The following RGS7 variants were observed in gnomAD, a reference collection of about 807,000 sequenced individuals.
RGS7 encodes the protein regulator of G-protein signaling 7.
Under a neutral mutation model 81.1 loss-of-function variants are expected in RGS7, and 27 were observed. The ratio of observed to expected loss-of-function variants is 0.33; its 90% CI spans 0.25 to 0.46. The LOEUF (loss-of-function observed/expected upper bound fraction) is 0.46, where lower values mean the gene tolerates loss of function less well. RGS7 is among the 20% of genes least tolerant of loss of function. The pLI is 1.00. For synonymous variants in RGS7, 208 were observed against 207.7 expected (o/e 1.00, Z -0.01); for missense variants, 396 against 607.4 (o/e 0.65, Z 3.66).
intron 2 of RGS7, among the ~76,000 whole-genome samples, chr1:241,263,134 G>A (rs770173243): frequency 1.9e-4 from 29 of 150,568 alleles, no homozygotes; most frequent in Admixed American, 4.0e-4. Context: ...AAAATTAGCC[G>A]GGCATGGTGG....
intron 10 of RGS7, among the ~76,000 whole-genome samples, chr1:240,820,391 C>T (rs1402843782): frequency 6.6e-6 from 1 of 152,080 alleles, no homozygotes; most frequent in Non-Finnish European, 1.5e-5. Context: ...GATTCGGCCT[C>T]CTACATAAAT....
At chr1:240,847,168 C>T (rs1659249232) in intron 9 of RGS7, among the ~76,000 whole-genome samples, 1 of 152,212 alleles carries the variant, frequency 6.6e-6, no homozygotes, top group Admixed American at 6.5e-5. Context: ...TCATAGCTAT[C>T]TGCTAACCTT....
At chr1:241,256,521 T>A (rs1029092512) in intron 2 of RGS7, among the ~76,000 whole-genome samples, 2 of 152,188 alleles carry the variant, frequency 1.3e-5, no homozygotes, top group Non-Finnish European at 2.9e-5. Flanking sequence ...TCAGGTCAGG[T>A]TGCCATAACA....
intron 2 of RGS7, among the ~76,000 whole-genome samples, chr1:241,228,144 C>T (rs1015763690): frequency 2.0e-5 from 3 of 152,138 alleles, no homozygotes; most frequent in Admixed American, 6.5e-5. Flanking sequence ...ACTAGCCTGA[C>T]GCTGCTATTT....
At chr1:241,257,863 C>T (rs531553758) in intron 2 of RGS7, among the ~76,000 whole-genome samples, 1 of 152,074 alleles carries the variant, frequency 6.6e-6, no homozygotes, top group South Asian at 2.1e-4. Flanking sequence ...TCTACAAGAC[C>T]AAACACGACA....
At chr1:240,900,826 G>C (rs537726420) in intron 6 of RGS7, among the ~76,000 whole-genome samples, 1 of 152,334 alleles carries the variant, frequency 6.6e-6, no homozygotes, top group East Asian at 1.9e-4. Flanking sequence ...AAAGCTGTCA[G>C]ACAGGGGCGT....
intron 2 of RGS7, among the ~76,000 whole-genome samples, chr1:241,160,139 AAAAG>A (rs1158255621): frequency 1.3e-5 from 2 of 151,780 alleles, no homozygotes; most frequent in East Asian, 1.9e-4. Context: ...AAGAAAAAGA[AAAAG>A]AAAAAGAAAT....
chr1:240,825,404 C>T (rs1441935740), intron 10 of RGS7, among the ~76,000 whole-genome samples: 1 of 152,204 alleles, frequency 6.6e-6, no homozygotes, highest in Non-Finnish European at 1.5e-5. Flanking sequence ...AAGATTCTAG[C>T]AAATTGAACA....
intron 2 of RGS7, among the ~76,000 whole-genome samples, chr1:241,270,866 C>T (rs374465383): frequency 6.6e-6 from 1 of 151,530 alleles, no homozygotes; most frequent in African/African-American, 2.4e-5. Flanking sequence ...TCACACCATT[C>T]TCCTGCCTCA....
At chr1:241,214,508 G>A (rs2074435854) in intron 2 of RGS7, among the ~76,000 whole-genome samples, 1 of 150,930 alleles carries the variant, frequency 6.6e-6, no homozygotes, top group Admixed American at 6.6e-5. Flanking sequence ...TTTCTTTATT[G>A]ACTGAGATTC....
rs977940725 is a variant in RGS7 at position 240,967,574 on chromosome 1, G to T, written c.226+15505C>A. The stretch of plus-strand genomic sequence containing the variant: ...AAGTGATTGTGCCAAGAAGTGGGGG[G>T]GGGGGGGAAAAGGCTGTAGCAAGAG... On this transcript the variant is annotated intron_variant, in intron 4 of 18. Transcript: ENST00000440928. 1.8e-4 allele frequency among the ~76,000 whole-genome samples: 24 copies of T among 131,356 alleles called. 1 individual carries two copies. Among genetic ancestry groups the T allele is most frequent in the African/African-American group, 3.7e-4 (14 of 37,768 alleles). The allele number at this position is 131,356 out of a possible 152,430, so 86.2% of individuals were successfully genotyped here.
intron 6 of RGS7, among the ~76,000 whole-genome samples, chr1:240,915,848 A>G (rs560289505): frequency 6.6e-6 from 1 of 152,306 alleles, no homozygotes; most frequent in South Asian, 2.1e-4. Flanking sequence ...CATAATAGAA[A>G]TGAAGAATGA....
chr1:241,196,991 TAAA>T (rs34557484), intron 2 of RGS7, among the ~76,000 whole-genome samples: 3 of 132,596 alleles, frequency 2.3e-5, no homozygotes, highest in Non-Finnish European at 4.7e-5. Flanking sequence ...CAAAAGAATG[TAAA>T]AAAAAAAAAA....
intron 10 of RGS7, among the ~76,000 whole-genome samples, chr1:240,817,009 A>C (rs897619081): frequency 6.6e-6 from 1 of 152,208 alleles, no homozygotes; most frequent in African/African-American, 2.4e-5. Flanking sequence ...CAGTGACCCC[A>C]GAGGCGTCAT....
At chr1:241,343,133 G>A (rs1019429718) in intron 2 of RGS7, among the ~76,000 whole-genome samples, 92 of 151,994 alleles carry the variant, frequency 6.1e-4, no homozygotes, top group African/African-American at 2.1e-3. Flanking sequence ...ATGGTGGTGC[G>A]CACCTGTAGC....
rs560854492 is a variant in RGS7, at chr1:241,040,249, C to T, written c.176-57120G>A. ...ACTAAACTTTGATGAGATAGAGCCA[C>T]CAGAAAAGAAAAATCATGTATGCTG... On this transcript the variant is annotated intron_variant, in intron 3 of 18. Coordinates refer to ENST00000440928, the MANE Select transcript of RGS7 (RefSeq NM_001364886.1). 2.0e-5 allele frequency among the ~76,000 whole-genome samples: 3 copies of T among 152,228 alleles called. No homozygotes were observed. The South Asian group carries it at 6.2e-4, about 32-fold the overall frequency.
intron 4 of RGS7, among the ~76,000 whole-genome samples, chr1:240,973,638 GGA>G (rs1683610663): frequency 6.6e-6 from 1 of 152,106 alleles, no homozygotes; most frequent in Admixed American, 6.5e-5. Context: ...TGCCCAGGCT[GGA>G]GTGCAGTGGT....
rs184103970 is a variant in RGS7, at chr1:240,978,488, T to G, written c.226+4591A>C. On this transcript the variant is annotated intron_variant, in intron 4 of 18. Transcript: ENST00000440928. Reference sequence around the variant, plus strand: ...AAATGATGAAAAGTTAAACATGCGATAATAGATATATTCTCTATTAGCATC... The same window carrying G: ...AAATGATGAAAAGTTAAACATGCGAGAATAGATATATTCTCTATTAGCATC... Among the ~76,000 whole-genome samples the G allele has an allele frequency of 1.1e-4, 17 of 152,262 alleles. 1 individual carries two copies. The highest frequency in any genetic ancestry group is 1.1e-3 in the Admixed American group (17 of 15,292).
At chr1:241,287,356 G>T (rs2078866778) in intron 2 of RGS7, among the ~76,000 whole-genome samples, 1 of 152,122 alleles carries the variant, frequency 6.6e-6, no homozygotes, top group South Asian at 2.1e-4. Context: ...GGTCTTTCCT[G>T]TGCTGTTCTT....
Sources: allele counts gnomAD v4.1 joint callset (sites outside exome capture counted in the v4.1 genomes callset), GRCh38; gene constraint gnomAD v4.1.1; transcripts MANE v1.5; gene names NCBI Gene and HGNC (gene_info 2026-07-23, HGNC 2026-07-21).